The following RPL10A variants were observed in gnomAD, a reference collection of about 807,000 sequenced individuals.
The protein encoded by RPL10A is ribosomal protein L10a, also known as large ribosomal subunit protein uL1.
In RPL10A, 11 loss-of-function variants were observed where a neutral mutation model predicts 24.6. The ratio of observed to expected loss-of-function variants is 0.45; its 90% CI spans 0.28 to 0.74. The LOEUF is 0.74. Ranked by LOEUF, RPL10A falls within the 30% of genes least tolerant of loss-of-function variation. The pLI, the probability that RPL10A is intolerant of heterozygous loss-of-function variation, is 0.13. For missense variants in RPL10A, 136 were observed against 273.1 expected (o/e 0.50, Z 3.54); for synonymous variants, 98 against 108.5 (o/e 0.90, Z 0.60).
chr6:35,469,025 C>CAGGTTGGCACCGTT lies in RPL10A; in HGVS notation c.160_161+12dup, dbSNP rs757445803. The CAGGTTGGCACCGTT allele has an allele frequency of 6.2e-7, 1 of 1,612,106 alleles. No individual in the cohort carries two copies. Among genetic ancestry groups the CAGGTTGGCACCGTT allele is most frequent in the Admixed American group, 1.7e-5 (1 of 60,022 alleles). ...AGGACAAGCGCTTCTCGGGCACCGT[C>CAGGTTGGCACCGTT]AGGTTGGCACCGTTCTGATCCCACC... is the stretch of plus-strand genomic sequence containing the variant. On this transcript the variant is annotated frameshift_variant and splice_region_variant, in exon 3 of 6. Transcript: ENST00000322203. LOFTEE classifies it high-confidence loss of function.
chr6:35,469,545 G>A lies in RPL10A; in HGVS notation c.310+16G>A, dbSNP rs1444961274. The A allele has an allele frequency of 6.2e-7, 1 of 1,609,684 alleles. No individual in the cohort carries two copies. Among genetic ancestry groups the A allele is most frequent in the Non-Finnish European group, 8.5e-7 (1 of 1,178,208 alleles). The stretch of plus-strand genomic sequence containing the variant: ...AAGAAGCTGGGTGAGTCCGGCCGCT[G>A]TGGTTTTGCATGTGAGATGTGTGGT... On this transcript the variant is annotated intron_variant, in intron 4 of 5. Transcript: ENST00000322203.
chr6:35,469,064 C>T (rs1000742892), intron 3 of RPL10A, 37 bp downstream of exon 3: 7 of 1,608,220 alleles, frequency 4.4e-6, no homozygotes, highest in Non-Finnish European at 5.9e-6. Flanking sequence ...CCCTCAGTGC[C>T]CCCGTGCTTG....
chr6:35,468,675 G>GAATCTACGGGGGAGTCCGC, intron 1 of RPL10A, 124 bp from the exon 2 acceptor site: 2 of 1,518,938 alleles, frequency 1.3e-6, no homozygotes, highest in African/African-American at 1.4e-5. Context: ...TTGGTGTCCG[G>GAATCTACGGGGGAGTCCGC]AATCTACGGG....
In RPL10A at chr6:35,468,873, A is replaced by C; in HGVS notation, c.80A>C (p.Lys27Thr). The C allele has an allele frequency of 6.2e-7, 1 of 1,612,958 alleles. No homozygotes were observed. The highest frequency in any genetic ancestry group is 8.5e-7 in the Non-Finnish European group (1 of 1,179,532). Reference protein sequence around the residue: ...VLHGNQRKRRKFLETVELQIS... With the variant: ...VLHGNQRKRRTFLETVELQIS... ...CACGGGAACCAGCGCAAGCGCCGCAAGTGAGTGCCGACCCTGGGGCACGGC... is the reference window on the plus strand; with the variant it reads ...CACGGGAACCAGCGCAAGCGCCGCACGTGAGTGCCGACCCTGGGGCACGGC... Residue 27 changes from lysine (K) to threonine (T), a missense_variant and splice_region_variant, in exon 2 of 6, where the codon AAG becomes ACG. By Grantham distance (78) the Lys-to-Thr change is moderately conservative. This residue lies in a region of RPL10A where 88 missense variants were observed against 149.2 expected (regional missense o/e 0.59). Coordinates refer to ENST00000322203, the MANE Select transcript of RPL10A (RefSeq NM_007104.5).
rs1215213993 is a variant in RPL10A at position 35,468,881 on chromosome 6, C to G, written c.80+8C>G. On this transcript the variant is annotated splice_region_variant and intron_variant, in intron 2 of 5. Transcript: ENST00000322203. ...CCAGCGCAAGCGCCGCAAGTGAGTG[C>G]CGACCCTGGGGCACGGCGCGGGTGG... 6.2e-7 allele frequency: 1 copy of G among 1,612,552 alleles called. No homozygotes were observed. The highest frequency in any genetic ancestry group is 1.3e-5 in the African/African-American group (1 of 74,900).
rs1767913867 is a variant in RPL10A, at chr6:35,468,522, C to G, written c.5+83C>G. On this transcript the variant is annotated intron_variant, in intron 1 of 5. Coordinates refer to ENST00000322203, the MANE Select transcript of RPL10A (RefSeq NM_007104.5). ...AGGGTTCGGATCCTGTAGGCCGCGC[C>G]GCGGACCCTTGCGCCACCTGCGCCG... 4 of 1,611,300 alleles carry G rather than the reference C, an allele frequency of 2.5e-6. No individual in the cohort carries two copies. The South Asian group carries it at 3.3e-5, about 13-fold the overall frequency.
At chr6:35,468,651 T>C in intron 1 of RPL10A, 148 bp from the exon 2 acceptor site, 1 of 1,513,674 alleles carries the variant, frequency 6.6e-7, no homozygotes, top group Non-Finnish European at 8.8e-7. Flanking sequence ...GGGTCTGAGC[T>C]CCCGTCGCTC....
chr6:35,468,419 C>G lies in RPL10A; in HGVS notation c.-16C>G. ...ACATGCTAGTCTCTTTTCCGGTTAG[C>G]GCGGCGTGAGAAGCCATGAGGTGAG... is the stretch of plus-strand genomic sequence containing the variant. On this transcript the variant is annotated 5_prime_UTR_variant, in exon 1 of 6. Coordinates refer to ENST00000322203, the MANE Select transcript of RPL10A (RefSeq NM_007104.5). 1 of 1,614,038 alleles carries G rather than the reference C, an allele frequency of 6.2e-7. No individual in the cohort carries two copies. The highest frequency in any genetic ancestry group is 8.5e-7 in the Non-Finnish European group (1 of 1,179,946).
chr6:35,468,605 A>C, intron 1 of RPL10A, 166 bp downstream of exon 1: 1 of 1,543,724 alleles, frequency 6.5e-7, no homozygotes, highest in Non-Finnish European at 8.7e-7. Flanking sequence ...AGGTCCGATC[A>C]CTGAGAGCCT....
Position 35,468,931 on chromosome 6 carries a change from C to A in RPL10A, c.81-16C>A, listed in dbSNP as rs1767954408. 5 of 1,613,870 alleles carry A rather than the reference C, an allele frequency of 3.1e-6. No homozygotes were observed. The highest frequency in any genetic ancestry group is 4.2e-6 in the Non-Finnish European group (5 of 1,179,882). ...GCGAGGGCCGGCGGGTGCTTAACCC[C>A]CCTCCTCTCTCGAAGGTTCCTGGAG... On this transcript the variant is annotated splice_polypyrimidine_tract_variant and intron_variant, in intron 2 of 5. Coordinates refer to ENST00000322203, the MANE Select transcript of RPL10A (RefSeq NM_007104.5).
chr6:35,470,084 ATGAT>A lies in RPL10A; in HGVS notation c.311-89_311-86del. The A allele has an allele frequency of 8.5e-7, 1 of 1,176,100 alleles. No homozygotes were observed. Among genetic ancestry groups the A allele is most frequent in the Non-Finnish European group, 1.2e-6 (1 of 819,690 alleles). 72.9% of individuals were successfully genotyped at this position (1,176,100 alleles called of 1,614,324 possible). ...AGGGTGCTGCTTGGAGGTCACTTAC[ATGAT>A]TGATTCAAGTGCGTTTCTGGCCTGC... On this transcript the variant is annotated intron_variant, in intron 4 of 5. Transcript: ENST00000322203. The surrounding 1 kb of genome is among the most constrained non-coding windows in gnomAD (Gnocchi z 4.6).
chr6:35,468,767 G>T, intron 1 of RPL10A, 32 bp from the exon 2 acceptor site: 1 of 1,562,588 alleles, frequency 6.4e-7, no homozygotes, highest in Non-Finnish European at 8.7e-7. Flanking sequence ...GGACTCCGCG[G>T]CCCTGAGCGC....
intron 1 of RPL10A, 83 bp from the exon 2 acceptor site, chr6:35,468,716 G>A (rs940976804): frequency 4.0e-5 from 62 of 1,541,182 alleles, no homozygotes; most frequent in Non-Finnish European, 5.3e-5. Context: ...CGCCCGTCTC[G>A]AAGCCTAGAC....
In RPL10A at chr6:35,468,413, G is replaced by T; in HGVS notation, c.-22G>T. 1.9e-6 allele frequency: 3 copies of T among 1,614,052 alleles called. No individual in the cohort carries two copies. ...CGCAAGACATGCTAGTCTCTTTTCCGGTTAGCGCGGCGTGAGAAGCCATGA... is the reference window on the plus strand; with the variant it reads ...CGCAAGACATGCTAGTCTCTTTTCCTGTTAGCGCGGCGTGAGAAGCCATGA... On this transcript the variant is annotated 5_prime_UTR_variant, in exon 1 of 6. Coordinates refer to ENST00000322203, the MANE Select transcript of RPL10A (RefSeq NM_007104.5).
rs1312582005 is a variant in RPL10A at position 35,468,411 on chromosome 6, C to T, written c.-24C>T. On this transcript the variant is annotated 5_prime_UTR_variant, in exon 1 of 6. Transcript: ENST00000322203. ...TGCGCAAGACATGCTAGTCTCTTTT[C>T]CGGTTAGCGCGGCGTGAGAAGCCAT... is the stretch of plus-strand genomic sequence containing the variant. 2 of 1,614,060 alleles carry T rather than the reference C, an allele frequency of 1.2e-6. No individual in the cohort carries two copies.
At chr6:35,468,624 C>G (rs992045383) in intron 1 of RPL10A, 175 bp from the exon 2 acceptor site, 1 of 1,525,522 alleles carries the variant, frequency 6.6e-7, no homozygotes, top group Non-Finnish European at 8.8e-7. Context: ...CTCCCTCTTC[C>G]ACCGGGGCTT....
intron 4 of RPL10A, among the ~76,000 whole-genome samples, chr6:35,469,946 T>C (rs1175705053): frequency 6.6e-6 from 1 of 152,106 alleles, no homozygotes. Context: ...GGTTATGCCA[T>C]GGATCATGGG....
At chr6:35,468,587 T>A in intron 1 of RPL10A, 148 bp downstream of exon 1, 1 of 1,570,484 alleles carries the variant, frequency 6.4e-7, no homozygotes, top group Non-Finnish European at 8.6e-7. Flanking sequence ...CGGGTCGCCC[T>A]TCCTACCAGG....
At chr6:35,468,539 C>G (rs773453659) in intron 1 of RPL10A, 100 bp downstream of exon 1, 71 of 1,608,156 alleles carry the variant, frequency 4.4e-5, no homozygotes, top group Non-Finnish European at 5.3e-5. Flanking sequence ...CCTTGCGCCA[C>G]CTGCGCCGCG....
Sources: allele counts gnomAD v4.1 joint callset (sites outside exome capture counted in the v4.1 genomes callset), GRCh38; gene constraint gnomAD v4.1.1; regional missense constraint gnomAD v4.1.1; non-coding constraint Gnocchi (gnomAD v3.1); transcripts MANE v1.5; gene names NCBI Gene and HGNC (gene_info 2026-07-23, HGNC 2026-07-21).